TTC28: variants seen among roughly 807,000 people sequenced by gnomAD.
TTC28 encodes tetratricopeptide repeat protein 28.
Under a neutral mutation model 198.0 loss-of-function variants are expected in TTC28, and 61 were observed. The ratio of observed to expected loss-of-function variants is 0.31; its 90% CI spans 0.25 to 0.38. The LOEUF (loss-of-function observed/expected upper bound fraction) is 0.38, where lower values mean the gene tolerates loss of function less well. Among genes scored for constraint, TTC28 ranks in the 10% least tolerant of loss-of-function variants. The pLI is 1.00. For synonymous variants in TTC28, 1,171 were observed against 1,297.8 expected (o/e 0.90, Z 2.10); for missense variants, 2,678 against 3,164.0 (o/e 0.85, Z 3.69).
intron 2 of TTC28, among the ~76,000 whole-genome samples, chr22:28,587,185 C>A (rs2050334315): frequency 6.6e-6 from 1 of 152,086 alleles, no homozygotes; most frequent in Non-Finnish European, 1.5e-5. Context: ...GGTAAAACCC[C>A]ATCTCTACTA....
chr22:28,611,598 G>A (rs1447850939), intron 2 of TTC28, among the ~76,000 whole-genome samples: 7 of 147,486 alleles, frequency 4.7e-5, no homozygotes, highest in African/African-American at 7.5e-5. Flanking sequence ...ATGCTGGTGC[G>A]CTGCACCCAC....
chr22:28,140,621 T>C (rs1943308673), intron 6 of TTC28, among the ~76,000 whole-genome samples: 1 of 152,230 alleles, frequency 6.6e-6, no homozygotes, highest in Admixed American at 6.5e-5. Flanking sequence ...TTCATGGGAC[T>C]GTGGGCATTT....
intron 5 of TTC28, among the ~76,000 whole-genome samples, chr22:28,191,550 G>T (rs1046979324): frequency 7.9e-5 from 12 of 152,216 alleles, no homozygotes. Context: ...TCAAAGAAAG[G>T]GGTAACAGAT....
intron 12 of TTC28, among the ~76,000 whole-genome samples, chr22:28,074,182 A>G (rs550608421): frequency 3.7e-4 from 57 of 152,352 alleles, no homozygotes; most frequent in African/African-American, 1.2e-3. Context: ...CACATTAAAT[A>G]TCTTAAATAT....
intron 5 of TTC28, among the ~76,000 whole-genome samples, chr22:28,251,562 T>C (rs917021356): frequency 6.6e-6 from 1 of 152,166 alleles, no homozygotes; most frequent in African/African-American, 2.4e-5. Flanking sequence ...GAAACAAAAA[T>C]AGGATATGTA....
At chr22:28,412,149 C>T (rs1025626590) in intron 2 of TTC28, among the ~76,000 whole-genome samples, 12 of 152,178 alleles carry the variant, frequency 7.9e-5, no homozygotes, top group Admixed American at 7.2e-4. Flanking sequence ...CTAAAGGACA[C>T]AAAACTGCCT....
chr22:28,083,253 G>A (rs1482103670), intron 12 of TTC28, among the ~76,000 whole-genome samples: 1 of 152,032 alleles, frequency 6.6e-6, no homozygotes, highest in Non-Finnish European at 1.5e-5. Context: ...AGAGCTCAGA[G>A]ACCCCTGAGC....
At position 28,368,320 on chromosome 22, in the gene TTC28, G is replaced by A. The variant is rs191836944; in HGVS notation, c.382-61677C>T. Among the ~76,000 whole-genome samples, 385 of 152,088 alleles carry A rather than the reference G, an allele frequency of 2.5e-3. 1 individual carries two copies. Among genetic ancestry groups the A allele is most frequent in the South Asian group, 5.8e-3 (28 of 4,826 alleles). On this transcript the variant is annotated intron_variant, in intron 2 of 22. Transcript: ENST00000397906. ...CATATGATCATTTCAATTGATGCTG[G>A]AAAAGCATTTGATAAAGTTCAACGT...
intron 6 of TTC28, among the ~76,000 whole-genome samples, chr22:28,120,358 C>T (rs967391472): frequency 6.6e-6 from 1 of 152,130 alleles, no homozygotes; most frequent in Non-Finnish European, 1.5e-5. Context: ...GCTTTCAACG[C>T]CCTGGGACCT....
At chr22:28,624,762 CA>C (rs1300541633) in intron 2 of TTC28, among the ~76,000 whole-genome samples, 4 of 151,524 alleles carry the variant, frequency 2.6e-5, no homozygotes, top group Non-Finnish European at 4.4e-5. Flanking sequence ...ACTTCGATAC[CA>C]AAACGAAACA....
chr22:28,083,750 T>C (rs774483060), intron 12 of TTC28, among the ~76,000 whole-genome samples: 2 of 152,136 alleles, frequency 1.3e-5, no homozygotes, highest in African/African-American at 4.8e-5. Context: ...GTCAGGGAAT[T>C]CCCTTTCCTA....
chr22:28,162,261 TATC>T (rs1921303812), intron 6 of TTC28, among the ~76,000 whole-genome samples: 1 of 152,250 alleles, frequency 6.6e-6, no homozygotes, highest in African/African-American at 2.4e-5. Context: ...AATGTAAATC[TATC>T]ATCTTTAAAT....
intron 2 of TTC28, among the ~76,000 whole-genome samples, chr22:28,480,741 G>T (rs2048235382): frequency 6.6e-6 from 1 of 151,874 alleles, no homozygotes; most frequent in Admixed American, 6.6e-5. Context: ...GTGAGAATGG[G>T]TAGAAAGAAA....
At chr22:28,061,762 T>C (rs1008932285) in intron 12 of TTC28, among the ~76,000 whole-genome samples, 3 of 152,206 alleles carry the variant, frequency 2.0e-5, no homozygotes, top group African/African-American at 7.2e-5. Flanking sequence ...AAGAAAGTCA[T>C]TGGTAGCTTG....
chr22:28,643,232 A>C (rs2051398239), intron 1 of TTC28: 1 of 152,276 alleles, frequency 6.6e-6, no homozygotes, highest in African/African-American at 2.4e-5. Flanking sequence ...TCAGCCTCCC[A>C]AGCAGCTGGG....
intron 2 of TTC28, among the ~76,000 whole-genome samples, chr22:28,511,767 G>C (rs2048691562): frequency 6.6e-6 from 1 of 151,584 alleles, no homozygotes; most frequent in African/African-American, 2.4e-5. Flanking sequence ...GCAGTGAGCT[G>C]AGATCATGCC....
At chr22:28,014,200 C>T (rs1483891272) in intron 14 of TTC28, 48 bp downstream of exon 14, 10 of 1,516,548 alleles carry the variant, frequency 6.6e-6, no homozygotes, top group Middle Eastern at 1.7e-4. Flanking sequence ...GACTGGTAAG[C>T]GATGTGTTCT....
chr22:27,982,379 G>A lies in TTC28; in HGVS notation c.7288C>T (p.Pro2430Ser), dbSNP rs1410847037. Residue 2430 changes from proline (P) to serine (S), a missense_variant, in exon 23 of 23, where the codon CCC (proline) becomes TCC (serine). Physicochemically the swap from Pro to Ser is moderately conservative, Grantham distance 74. Around this residue, in one of 8 missense-constraint regions of TTC28, gnomAD observed 622 missense variants for 656.0 expected, o/e 0.95. Transcript: ENST00000397906. The surrounding 1 kb of genome is among the most constrained non-coding windows in gnomAD (Gnocchi z 5.2). ...GTCTCGGTGCGCCAGTGTCCGTTGG[G>A]AGGGGCTTTCGGTGGAGCTCCGTCA... ...QHDGAPPKAPPNGHWRTETTS... is the reference protein window; with the variant it reads ...QHDGAPPKAPSNGHWRTETTS... 1 of 1,550,038 alleles carries A rather than the reference G, an allele frequency of 6.5e-7. No homozygotes were observed. The highest frequency in any genetic ancestry group is 2.0e-5 in the Admixed American group (1 of 50,780).
chr22:28,592,540 C>A (rs1043406957), intron 2 of TTC28, among the ~76,000 whole-genome samples: 1 of 151,990 alleles, frequency 6.6e-6, no homozygotes, highest in African/African-American at 2.4e-5. Context: ...TGATAAACTT[C>A]TCTTCATTTA....
Sources: allele counts gnomAD v4.1 joint callset (sites outside exome capture counted in the v4.1 genomes callset), GRCh38; gene constraint gnomAD v4.1.1; regional missense constraint gnomAD v4.1.1; non-coding constraint Gnocchi (gnomAD v3.1); transcripts MANE v1.5; gene names NCBI Gene and HGNC (gene_info 2026-07-23, HGNC 2026-07-21).